The following TMPRSS15 variants were observed in gnomAD, a reference collection of about 807,000 sequenced individuals.
The protein encoded by TMPRSS15 is transmembrane serine protease 15, also known as enteropeptidase.
Under a neutral mutation model 125.3 loss-of-function variants are expected in TMPRSS15, and 128 were observed. The ratio of observed to expected loss-of-function variants is 1.02; its 90% CI spans 0.89 to 1.18. TMPRSS15 has a LOEUF of 1.18. Ranked by LOEUF, TMPRSS15 falls within the 50% of genes most tolerant of loss-of-function variation. TMPRSS15 has a pLI of 0.00. For synonymous variants in TMPRSS15, 446 were observed against 423.2 expected (o/e 1.05, Z -0.66); for missense variants, 1,283 against 1,212.7 (o/e 1.06, Z -0.86).
intron 1 of TMPRSS15, among the ~76,000 whole-genome samples, chr21:18,429,330 G>A (rs1461361375): frequency 1.3e-5 from 2 of 152,070 alleles, no homozygotes; most frequent in African/African-American, 2.4e-5. Context: ...CTAAGACTTT[G>A]GGGGACTGTT....
chr21:18,447,162 T>C (rs1167959963), intron 1 of TMPRSS15, among the ~76,000 whole-genome samples: 1 of 151,928 alleles, frequency 6.6e-6, no homozygotes, highest in African/African-American at 2.4e-5. Flanking sequence ...GACATACAAA[T>C]GGGCCAGGTG....
chr21:18,483,708 G>C (rs1222083341), intron 1 of TMPRSS15, among the ~76,000 whole-genome samples: 1 of 151,806 alleles, frequency 6.6e-6, no homozygotes, highest in Non-Finnish European at 1.5e-5. Context: ...TGTGATAATT[G>C]ACAACTCATC....
chr21:18,327,432 C>T (rs2075303210), intron 15 of TMPRSS15, among the ~76,000 whole-genome samples: 1 of 152,032 alleles, frequency 6.6e-6, no homozygotes, highest in Non-Finnish European at 1.5e-5. Context: ...TCTTCTAGTC[C>T]CAACAAAATT....
intron 5 of TMPRSS15, among the ~76,000 whole-genome samples, chr21:18,377,725 G>A (rs1053004038): frequency 1.3e-5 from 2 of 152,004 alleles, no homozygotes; most frequent in African/African-American, 2.4e-5. Context: ...GAAAGACAGG[G>A]CTAAGTGTAC....
intron 1 of TMPRSS15, among the ~76,000 whole-genome samples, chr21:18,411,193 T>G (rs536260919): frequency 3.9e-5 from 6 of 152,288 alleles, no homozygotes; most frequent in Admixed American, 2.6e-4. Context: ...AATATTCTTT[T>G]TGAAATATTT....
intron 15 of TMPRSS15, among the ~76,000 whole-genome samples, chr21:18,328,354 A>G (rs1193575236): frequency 1.3e-5 from 2 of 152,224 alleles, no homozygotes; most frequent in Non-Finnish European, 2.9e-5. Context: ...AAGTAATAAT[A>G]AAATGTAAAG....
At chr21:18,394,245 A>T (rs901001317) in intron 3 of TMPRSS15, among the ~76,000 whole-genome samples, 5 of 152,132 alleles carry the variant, frequency 3.3e-5, no homozygotes, top group Non-Finnish European at 7.4e-5. Flanking sequence ...TTGTATTTCA[A>T]AGCATGCTGT....
At chr21:18,381,814 T>G (rs1601417219) in intron 4 of TMPRSS15, among the ~76,000 whole-genome samples, 2 of 152,084 alleles carry the variant, frequency 1.3e-5, no homozygotes, top group East Asian at 3.9e-4. Flanking sequence ...ATGACAACTT[T>G]GGGGCCTGTT....
At chr21:18,380,423 C>A in intron 4 of TMPRSS15, 2 of 384,152 alleles carry the variant, frequency 5.2e-6, no homozygotes, top group South Asian at 2.0e-5. Flanking sequence ...CTTCTTACAA[C>A]TTGATATGAA....
At chr21:18,302,349 G>A (rs745905707) in intron 18 of TMPRSS15, among the ~76,000 whole-genome samples, 1 of 152,108 alleles carries the variant, frequency 6.6e-6, no homozygotes, top group Non-Finnish European at 1.5e-5. Context: ...GAGGCTTGGT[G>A]GATAGAAGAG....
intron 16 of TMPRSS15, among the ~76,000 whole-genome samples, chr21:18,322,465 G>A (rs1388246821): frequency 1.3e-5 from 2 of 152,134 alleles, no homozygotes. Context: ...GCCAAGTTAT[G>A]CAGTCAACGT....
chr21:18,311,964 T>A (rs905835942), intron 18 of TMPRSS15, among the ~76,000 whole-genome samples: 5 of 152,180 alleles, frequency 3.3e-5, no homozygotes, highest in African/African-American at 9.6e-5. Context: ...GCACTGCTTT[T>A]TAAAGACAAG....
At chr21:18,439,438 T>G (rs1043852547) in intron 1 of TMPRSS15, among the ~76,000 whole-genome samples, 28 of 152,166 alleles carry the variant, frequency 1.8e-4, no homozygotes, top group Admixed American at 6.5e-5. Context: ...CTTTTCTAAG[T>G]ATATAAAGAA....
chr21:18,419,612 T>C (rs911307114), intron 1 of TMPRSS15, among the ~76,000 whole-genome samples: 1 of 152,160 alleles, frequency 6.6e-6, no homozygotes. Flanking sequence ...ATGTCCCAAA[T>C]TGCAATTCTT....
chr21:18,330,773 G>A (rs1408925370), intron 14 of TMPRSS15, among the ~76,000 whole-genome samples: 2 of 152,078 alleles, frequency 1.3e-5, no homozygotes, highest in Non-Finnish European at 2.9e-5. Context: ...TTCAAATGAT[G>A]TTTAAAAGAT....
chr21:18,393,776 G>A (rs59276426), intron 3 of TMPRSS15, among the ~76,000 whole-genome samples: 2,491 of 152,100 alleles, frequency 0.016, 80 homozygotes, highest in African/African-American at 0.057. Context: ...TTATAAATTA[G>A]TCACTTAACC....
chr21:18,405,315 G>A (rs7282946), upstream of TMPRSS15, among the ~76,000 whole-genome samples: 3 of 152,038 alleles, frequency 2.0e-5, no homozygotes, highest in Admixed American at 6.6e-5. Context: ...CTCAAATAAT[G>A]TTTTAAATAA....
chr21:18,345,247 T>A (rs892576688), intron 10 of TMPRSS15, among the ~76,000 whole-genome samples: 1 of 152,222 alleles, frequency 6.6e-6, no homozygotes, highest in African/African-American at 2.4e-5. Context: ...TACTCCTATT[T>A]TATATAATGC....
At position 18,269,892 on chromosome 21, in the gene TMPRSS15, CG is replaced by C; in HGVS notation, c.*76del. The C allele has an allele frequency of 6.4e-7, 1 of 1,561,980 alleles. No homozygotes were observed. The highest frequency in any genetic ancestry group is 8.7e-7 in the Non-Finnish European group (1 of 1,147,146). On this transcript the variant is annotated 3_prime_UTR_variant, in exon 25 of 25. Transcript: ENST00000284885. ...TTGGTAACTTTTTAAAATTTTTGTACGAAACACTTAATTTCCATGCTTTCTA... is the reference window on the plus strand; with the variant it reads ...TTGGTAACTTTTTAAAATTTTTGTACAAACACTTAATTTCCATGCTTTCTA...
Sources: allele counts gnomAD v4.1 joint callset (sites outside exome capture counted in the v4.1 genomes callset), GRCh38; gene constraint gnomAD v4.1.1; transcripts MANE v1.5; gene names NCBI Gene and HGNC (gene_info 2026-07-23, HGNC 2026-07-21).